The following PRSS55 variants were observed in gnomAD, a reference collection of about 807,000 sequenced individuals.
PRSS55 encodes serine protease 55, also known as probable serine protease UNQ9391/PRO34284.
In PRSS55, 41 loss-of-function variants were observed where a neutral mutation model predicts 23.6. The ratio of observed to expected loss-of-function variants is 1.74; its 90% confidence interval spans 1.35 to 2.26. PRSS55 has a LOEUF of 2.26. PRSS55 is among the 30% of genes most tolerant of loss of function. The probability of loss-of-function intolerance (pLI) is 0.00; values close to 1 mark genes in which losing one functional copy is unlikely to be tolerated. For missense variants in PRSS55, 669 were observed against 439.1 expected (o/e 1.52, Z -4.68); for synonymous variants, 262 against 175.5 (o/e 1.49, Z -3.90).
chr8:10,543,790 CATTG>C (rs1435970836), downstream of PRSS55, among the ~76,000 whole-genome samples: 6 of 151,606 alleles, frequency 4.0e-5, no homozygotes, highest in Non-Finnish European at 8.8e-5. Flanking sequence ...TCTTTTTACT[CATTG>C]ATTATTTAAG....
chr8:10,542,491 G>A (rs1321172320), downstream of PRSS55, among the ~76,000 whole-genome samples: 1 of 151,710 alleles, frequency 6.6e-6, no homozygotes, highest in African/African-American at 2.4e-5. Flanking sequence ...AACTGCTGAT[G>A]TTAATGTTTT....
At chr8:10,527,477 A>C (rs539980344) in intron 1 of PRSS55, among the ~76,000 whole-genome samples, 1 of 152,384 alleles carries the variant, frequency 6.6e-6, no homozygotes, top group South Asian at 2.1e-4. Context: ...ACGAGGATGC[A>C]ATGAAGAAAT....
chr8:10,529,759 C>T (rs949749153), intron 2 of PRSS55, 60 bp downstream of exon 2: 1 of 1,512,518 alleles, frequency 6.6e-7, no homozygotes, highest in Non-Finnish European at 9.1e-7. Flanking sequence ...GGGCACCCTC[C>T]CCCTCACCCA....
chr8:10,528,802 G>A lies in PRSS55; in HGVS notation c.155-705G>A, dbSNP rs1812132982. 2.6e-5 allele frequency among the ~76,000 whole-genome samples: 4 copies of A among 152,350 alleles called. No homozygotes were observed. In the South Asian group the frequency reaches 6.2e-4, roughly 24 times the overall value. On this transcript the variant is annotated intron_variant, in intron 1 of 4. Coordinates refer to ENST00000328655, the MANE Select transcript of PRSS55 (RefSeq NM_198464.4). ...TGGGGCTGAATTCAGGGTGCAGCAGGTCTGCGTTCCTACTGGACGCTCTAG... is the reference window on the plus strand; with the variant it reads ...TGGGGCTGAATTCAGGGTGCAGCAGATCTGCGTTCCTACTGGACGCTCTAG...
At chr8:10,535,803 C>T (rs998886713) in intron 4 of PRSS55, among the ~76,000 whole-genome samples, 1 of 152,106 alleles carries the variant, frequency 6.6e-6, no homozygotes, top group Non-Finnish European at 1.5e-5. Context: ...AAAATATTTG[C>T]AAACTATGCA....
intron 1 of PRSS55, 82 bp from the exon 2 acceptor site, chr8:10,529,425 C>T: frequency 1.4e-6 from 2 of 1,411,364 alleles, no homozygotes; most frequent in Non-Finnish European, 2.0e-6. Context: ...GAAGCCTGCT[C>T]CTCCCAGCCC....
intron 4 of PRSS55, among the ~76,000 whole-genome samples, chr8:10,546,870 A>T (rs756763746): frequency 6.6e-6 from 1 of 151,672 alleles, no homozygotes; most frequent in Non-Finnish European, 1.5e-5. Flanking sequence ...TTGTAGATAC[A>T]AGTTCCCCCT....
Position 10,529,496 on chromosome 8 carries a change from C to G in PRSS55, c.155-11C>G, listed in dbSNP as rs1365493926. On this transcript the variant is annotated splice_polypyrimidine_tract_variant and intron_variant, in intron 1 of 4. Coordinates refer to ENST00000328655, the MANE Select transcript of PRSS55 (RefSeq NM_198464.4). ...TCCCCTTTTCCTTTCCACTCTCTTT[C>G]TTTCCACCAGAATGTGGTGACAGAT... The G allele has an allele frequency of 4.3e-6, 7 of 1,613,744 alleles. No individual in the cohort carries two copies. Among genetic ancestry groups the G allele is most frequent in the South Asian group, 2.2e-5 (2 of 91,078 alleles).
In PRSS55 at chr8:10,525,741, T is replaced by G; in HGVS notation, c.154+2T>G. On this transcript the variant is annotated splice_donor_variant, in intron 1 of 4. Transcript: ENST00000328655. LOFTEE classifies it high-confidence loss of function. ...CTCATCCCCCCAGCCCAGTCAGTGG[T>G]GAGTACAGGGGCAGAAGGGGCATGG... 1 of 1,601,328 alleles carries G rather than the reference T, an allele frequency of 6.2e-7. No homozygotes were observed. The highest frequency in any genetic ancestry group is 1.1e-5 in the South Asian group (1 of 89,388).
downstream of PRSS55, among the ~76,000 whole-genome samples, chr8:10,543,010 T>C (rs1172443132): frequency 3.3e-5 from 5 of 152,232 alleles, 1 homozygote; most frequent in South Asian, 6.2e-4. Flanking sequence ...CTCTTCCTTA[T>C]TGCAAGTTTC....
intron 4 of PRSS55, among the ~76,000 whole-genome samples, chr8:10,536,979 T>A (rs548725970): frequency 8.5e-5 from 13 of 152,248 alleles, no homozygotes; most frequent in African/African-American, 2.9e-4. Flanking sequence ...GGCATGCAAT[T>A]TACTCACATA....
downstream of PRSS55, chr8:10,541,298 CTG>C (rs1812649182): frequency 6.6e-6 from 1 of 152,250 alleles, no homozygotes; most frequent in Non-Finnish European, 1.5e-5. Flanking sequence ...AATTGGTAAA[CTG>C]TGACGAAGCA....
rs1133417 is a variant in PRSS55, at chr8:10,538,568, G to T, written c.834G>T (p.Glu278Asp). 7,929 of 1,614,128 alleles carry T rather than the reference G, an allele frequency of 4.9e-3. 42 individuals are homozygous for T. The highest frequency in any genetic ancestry group is 0.012 in the South Asian group (1,136 of 91,068). Residue 278 changes from glutamate to aspartate, a missense_variant, in exon 5 of 5, where the codon GAG becomes GAT. Glu to Asp is a conservative substitution (Grantham distance 45, BLOSUM62 2). Coordinates refer to ENST00000328655, the MANE Select transcript of PRSS55 (RefSeq NM_198464.4). The stretch of plus-strand genomic sequence containing the variant: ...TAAGCTGGGGAAAGAGCTGTGGAGA[G>T]AAGAACACCCCAGGGATATACACCT... The part of the protein sequence containing the change: ...GIISWGKSCG[E>D]KNTPGIYTSL...
At chr8:10,539,109 G>A (rs1175748685), downstream of PRSS55, among the ~76,000 whole-genome samples, 1 of 151,912 alleles carries the variant, frequency 6.6e-6, no homozygotes, top group East Asian at 1.9e-4. Flanking sequence ...GACTTCAGGC[G>A]TGGCTGAGTC....
intron 4 of PRSS55, among the ~76,000 whole-genome samples, chr8:10,536,117 C>T (rs367976326): frequency 6.6e-6 from 1 of 152,116 alleles, no homozygotes; most frequent in East Asian, 1.9e-4. Flanking sequence ...ACCCAGGAGG[C>T]GGAGCTTGCA....
downstream of PRSS55, among the ~76,000 whole-genome samples, chr8:10,543,213 G>A (rs1365117225): frequency 2.0e-5 from 3 of 152,024 alleles, no homozygotes; most frequent in Non-Finnish European, 2.9e-5. Context: ...GACATGCACA[G>A]GCTCTTTGAG....
chr8:10,533,475 T>C (rs928959312), intron 4 of PRSS55, among the ~76,000 whole-genome samples: 4 of 152,342 alleles, frequency 2.6e-5, no homozygotes, highest in African/African-American at 9.6e-5. Context: ...TACAGTTTCC[T>C]GGACAGGCAG....
intron 4 of PRSS55, among the ~76,000 whole-genome samples, chr8:10,553,254 G>A (rs528828584): frequency 9.2e-5 from 14 of 152,278 alleles, no homozygotes; most frequent in African/African-American, 2.9e-4. Context: ...CTCATCTTCT[G>A]CCATGATCGT....
At chr8:10,539,415 G>C (rs142767202), downstream of PRSS55, among the ~76,000 whole-genome samples, 3 of 152,228 alleles carry the variant, frequency 2.0e-5, no homozygotes, top group Admixed American at 2.0e-4. Flanking sequence ...CATTACTCCT[G>C]TCCATAAAAA....
Sources: gnomAD v4.1 joint callset for allele counts (sites outside exome capture counted in the v4.1 genomes callset) on GRCh38, gnomAD v4.1.1 for gene constraint, MANE v1.5 for transcripts, NCBI Gene and HGNC (gene_info 2026-07-23, HGNC 2026-07-21) for gene names.